The following HGF variants were observed in gnomAD, a reference collection of about 807,000 sequenced individuals.
The protein encoded by HGF is hepatocyte growth factor, also known as fibroblast-derived tumor cytotoxic factor.
HGF carries 39 observed loss-of-function variants against 111.6 expected under a neutral mutation model. The ratio of observed to expected loss-of-function variants is 0.35; its 90% confidence interval spans 0.27 to 0.46. HGF has a LOEUF of 0.46. Among genes scored for constraint, HGF ranks in the 20% least tolerant of loss-of-function variants. The pLI is 1.00. For missense variants in HGF, 735 were observed against 910.5 expected (o/e 0.81, Z 2.48); for synonymous variants, 285 against 294.8 (o/e 0.97, Z 0.34).
intron 7 of HGF, among the ~76,000 whole-genome samples, chr7:81,730,481 A>T (rs1787612618): frequency 6.6e-6 from 1 of 152,184 alleles, no homozygotes; most frequent in African/African-American, 2.4e-5. Flanking sequence ...TAAATAAATA[A>T]ATTCTAAGCT....
chr7:81,742,401 T>C (rs1196074333), intron 7 of HGF, among the ~76,000 whole-genome samples: 1 of 152,206 alleles, frequency 6.6e-6, no homozygotes, highest in Non-Finnish European at 1.5e-5. Flanking sequence ...TAATTATATA[T>C]TTTACTCTAG....
intron 1 of HGF, among the ~76,000 whole-genome samples, chr7:81,767,237 T>C (rs890869288): frequency 6.6e-6 from 1 of 152,168 alleles, no homozygotes; most frequent in Admixed American, 6.5e-5. Flanking sequence ...CCAAATGATT[T>C]TTTTTAAGTA....
At chr7:81,740,441 G>A (rs1327880880) in intron 7 of HGF, among the ~76,000 whole-genome samples, 1 of 152,154 alleles carries the variant, frequency 6.6e-6, no homozygotes, top group Non-Finnish European at 1.5e-5. Flanking sequence ...CTCCCCTTGG[G>A]TATGGATGAA....
chr7:81,747,537 A>C (rs2116070692), intron 5 of HGF, among the ~76,000 whole-genome samples: 1 of 152,334 alleles, frequency 6.6e-6, no homozygotes, highest in Admixed American at 6.5e-5. Context: ...CCTAAAAATA[A>C]ATAAATAAAA....
At chr7:81,751,330 A>G (rs1285637133) in intron 5 of HGF, 1 of 984,738 alleles carries the variant, frequency 1.0e-6, no homozygotes, top group African/African-American at 1.7e-5. Flanking sequence ...CAGAACTGAA[A>G]AATCCGGCTA....
At position 81,765,231 on chromosome 7, in the gene HGF, C is replaced by A. The variant is rs532955579; in HGVS notation, c.89-2359G>T. On this transcript the variant is annotated intron_variant, in intron 1 of 17. Coordinates refer to ENST00000222390, the MANE Select transcript of HGF (RefSeq NM_000601.6). ...TCTGGTTTCTTTTCTCAATGCCACG[C>A]AAAATGAAGGCAAGCCATGAAGAAG... 3.9e-5 allele frequency among the ~76,000 whole-genome samples: 6 copies of A among 152,076 alleles called. 1 individual carries two copies. Among genetic ancestry groups the A allele is most frequent in the African/African-American group, 1.4e-4 (6 of 41,526 alleles).
At position 81,707,339 on chromosome 7, in the gene HGF, A is replaced by G. The variant is rs1461150255; in HGVS notation, c.1567T>C (p.Leu523=). 1.3e-6 allele frequency: 2 copies of G among 1,599,654 alleles called. No individual in the cohort carries two copies. The highest frequency in any genetic ancestry group is 8.6e-7 in the Non-Finnish European group (1 of 1,167,346). ...YRNKHICGGS[L]IKESWVLTAR... is the part of the protein sequence containing the mutation. ...GTAAGAACCCAACTCTCCTTTATCA[A>G]TGATCCTCCGCAGATATGTTTATTT... Residue 523 remains leucine, a synonymous_variant, in exon 14 of 18, where the codon TTG becomes CTG. Coordinates refer to ENST00000222390, the MANE Select transcript of HGF (RefSeq NM_000601.6).
At chr7:81,727,308 G>GC (rs1362918848) in intron 8 of HGF, among the ~76,000 whole-genome samples, 2 of 151,874 alleles carry the variant, frequency 1.3e-5, no homozygotes, top group Admixed American at 6.6e-5. Context: ...CTCCCAAAGT[G>GC]TGGGAATTAC....
intron 7 of HGF, among the ~76,000 whole-genome samples, chr7:81,734,744 A>G (rs1040811096): frequency 7.9e-5 from 12 of 152,240 alleles, no homozygotes; most frequent in Admixed American, 3.9e-4. Context: ...AGTGCATAGT[A>G]TGTTACAAAC....
At chr7:81,736,318 A>G (rs1787823751) in intron 7 of HGF, among the ~76,000 whole-genome samples, 1 of 152,094 alleles carries the variant, frequency 6.6e-6, no homozygotes, top group Non-Finnish European at 1.5e-5. Flanking sequence ...AGCATTGTAT[A>G]TGCAACCCGC....
intron 11 of HGF, among the ~76,000 whole-genome samples, chr7:81,713,979 G>GGTGT (rs1277268424): frequency 7.6e-6 from 1 of 131,440 alleles, no homozygotes; most frequent in African/African-American, 2.9e-5. Context: ...GAAGGGTAGG[G>GGTGT]GTGTGTGTGC....
At chr7:81,707,259 C>T (rs1444511123) in intron 14 of HGF, 31 bp downstream of exon 14, 12 of 1,288,466 alleles carry the variant, frequency 9.3e-6, no homozygotes, top group Non-Finnish European at 1.4e-5. Flanking sequence ...TTTAAAGGCT[C>T]AAAATAATAC....
chr7:81,760,376 A>G (rs1789006601), intron 2 of HGF, among the ~76,000 whole-genome samples: 1 of 152,170 alleles, frequency 6.6e-6, no homozygotes, highest in South Asian at 2.1e-4. Flanking sequence ...CCCAGCAAAG[A>G]ATAATTTGAA....
At chr7:81,724,908 G>A (rs967047526) in intron 9 of HGF, among the ~76,000 whole-genome samples, 13 of 151,994 alleles carry the variant, frequency 8.6e-5, no homozygotes, top group Non-Finnish European at 1.3e-4. Flanking sequence ...TTTTACTACC[G>A]CTCCCTGAGG....
chr7:81,733,076 GT>G (rs1244555628), intron 7 of HGF, among the ~76,000 whole-genome samples: 2 of 152,000 alleles, frequency 1.3e-5, no homozygotes, highest in East Asian at 3.9e-4. Flanking sequence ...TGCTGAATAG[GT>G]TTTTTTCTAA....
chr7:81,719,911 T>C (rs1789809429), intron 10 of HGF, among the ~76,000 whole-genome samples: 2 of 152,192 alleles, frequency 1.3e-5, no homozygotes, highest in African/African-American at 4.8e-5. Flanking sequence ...AGGATTATGA[T>C]GGTCAAATGG....
intron 7 of HGF, among the ~76,000 whole-genome samples, chr7:81,742,510 C>A (rs1473679344): frequency 6.6e-6 from 1 of 151,918 alleles, no homozygotes; most frequent in Non-Finnish European, 1.5e-5. Context: ...ATTATTATAC[C>A]TTACTAAATT....
At chr7:81,754,287 GA>G (rs1230569439) in intron 4 of HGF, among the ~76,000 whole-genome samples, 8 of 151,726 alleles carry the variant, frequency 5.3e-5, no homozygotes, top group Non-Finnish European at 1.0e-4. Context: ...GATTATTTAA[GA>G]AACCTAGTAG....
chr7:81,712,594 T>C (rs534599327), intron 11 of HGF, among the ~76,000 whole-genome samples: 2 of 152,210 alleles, frequency 1.3e-5, no homozygotes, highest in Non-Finnish European at 2.9e-5. Flanking sequence ...TCTTGGAAGA[T>C]GCAAGGATTT....
Sources: gnomAD v4.1 joint callset for allele counts (sites outside exome capture counted in the v4.1 genomes callset) on GRCh38, gnomAD v4.1.1 for gene constraint, MANE v1.5 for transcripts, NCBI Gene and HGNC (gene_info 2026-07-23, HGNC 2026-07-21) for gene names.